SIPA1L2: variants seen among roughly 807,000 people sequenced by gnomAD.
The protein encoded by SIPA1L2 is signal-induced proliferation-associated 1-like protein 2.
In SIPA1L2, 56 loss-of-function variants were observed where a neutral mutation model predicts 163.9. The observed-to-expected ratio is 0.34, with a 90% confidence interval of 0.28 to 0.43. The LOEUF (loss-of-function observed/expected upper bound fraction) is 0.43. Among genes scored for constraint, SIPA1L2 ranks in the 20% least tolerant of loss-of-function variants. The pLI is 1.00. For missense variants in SIPA1L2, 1,974 were observed against 2,193.5 expected (o/e 0.90, Z 2.00); for synonymous variants, 877 against 865.7 (o/e 1.01, Z -0.23).
At chr1:232,410,594 A>G (rs1660893962) in intron 19 of SIPA1L2, among the ~76,000 whole-genome samples, 1 of 152,054 alleles carries the variant, frequency 6.6e-6, no homozygotes, top group Non-Finnish European at 1.5e-5. Flanking sequence ...TGAAACTCTG[A>G]AAACAATTAA....
intron 9 of SIPA1L2, among the ~76,000 whole-genome samples, chr1:232,464,111 G>GT (rs949325658): frequency 6.6e-6 from 1 of 151,828 alleles, no homozygotes; most frequent in Admixed American, 6.6e-5. Flanking sequence ...GTCAAAGCAT[G>GT]TTTTTTTCTT....
chr1:232,524,408 T>C (rs1216044804), intron 2 of SIPA1L2, among the ~76,000 whole-genome samples: 2 of 152,182 alleles, frequency 1.3e-5, no homozygotes, highest in Admixed American at 1.3e-4. Context: ...GGGGGATGCA[T>C]GTCCCACATG....
chr1:232,566,187 T>C (rs1182660497), intron 2 of SIPA1L2, among the ~76,000 whole-genome samples: 1 of 152,248 alleles, frequency 6.6e-6, no homozygotes, highest in Non-Finnish European at 1.5e-5. Flanking sequence ...TGTTTTCTTT[T>C]GTTTTGAAAT....
chr1:232,618,314 G>A (rs1662611473), intron 1 of SIPA1L2, among the ~76,000 whole-genome samples: 1 of 152,190 alleles, frequency 6.6e-6, no homozygotes, highest in African/African-American at 2.4e-5. Flanking sequence ...GCTCAGGCGA[G>A]GCGAGCTCTT....
intron 1 of SIPA1L2, among the ~76,000 whole-genome samples, chr1:232,611,158 T>C (rs538354848): frequency 1.3e-5 from 2 of 152,204 alleles, no homozygotes; most frequent in African/African-American, 4.8e-5. Context: ...GCCTCTGCCA[T>C]GTAAGAACTG....
intron 2 of SIPA1L2, among the ~76,000 whole-genome samples, chr1:232,546,328 C>T (rs1175356984): frequency 6.6e-6 from 1 of 152,174 alleles, no homozygotes; most frequent in African/African-American, 2.4e-5. Context: ...CACCATGACG[C>T]CAAGACTTCA....
At chr1:232,485,762 T>G (rs1299606645) in intron 5 of SIPA1L2, among the ~76,000 whole-genome samples, 2 of 152,196 alleles carry the variant, frequency 1.3e-5, no homozygotes, top group Admixed American at 1.3e-4. Flanking sequence ...GTTAGTTGAC[T>G]TCTCTTTCAC....
At chr1:232,572,349 T>C (rs1481222035) in intron 2 of SIPA1L2, among the ~76,000 whole-genome samples, 2 of 152,168 alleles carry the variant, frequency 1.3e-5, no homozygotes, top group Non-Finnish European at 2.9e-5. Context: ...GCACCTCCCA[T>C]TTCCTATGCT....
rs375893261 is a variant in SIPA1L2, at chr1:232,514,634, A to C, written c.706T>G (p.Cys236Gly). Residue 236 changes from cysteine to glycine, a missense_variant, in exon 3 of 23, where the codon TGT (cysteine) becomes GGT (glycine). Coordinates refer to ENST00000674635, the MANE Select transcript of SIPA1L2 (RefSeq NM_020808.5). ...VPFGFPEFFR[C>G]DPAISPSLHA... ...AGGCTCGGAGAGATTGCAGGGTCAC[A>C]GCGGAAAAATTCAGGGAACCCAAAA... The C allele has an allele frequency of 2.2e-5, 35 of 1,614,108 alleles. No homozygotes were observed. The highest frequency in any genetic ancestry group is 2.7e-5 in the Non-Finnish European group (32 of 1,180,046).
At chr1:232,454,117 T>G (rs745571487) in intron 10 of SIPA1L2, among the ~76,000 whole-genome samples, 10 of 152,144 alleles carry the variant, frequency 6.6e-5, no homozygotes, top group Non-Finnish European at 1.5e-4. Flanking sequence ...TATAACTTAC[T>G]GTAAAGGTTA....
intron 18 of SIPA1L2, among the ~76,000 whole-genome samples, chr1:232,418,576 G>T (rs1049320283): frequency 6.6e-6 from 1 of 152,154 alleles, no homozygotes; most frequent in Non-Finnish European, 1.5e-5. Flanking sequence ...TACCCCCTAC[G>T]CAATGCATGC....
intron 13 of SIPA1L2, 50 bp downstream of exon 13, chr1:232,441,718 A>C: frequency 6.9e-7 from 1 of 1,443,696 alleles, no homozygotes; most frequent in Non-Finnish European, 9.7e-7. Context: ...GGGGGCAGAG[A>C]GGGGGAAAGG....
chr1:232,610,764 C>T (rs1437277537), intron 1 of SIPA1L2, among the ~76,000 whole-genome samples: 1 of 152,084 alleles, frequency 6.6e-6, no homozygotes, highest in Non-Finnish European at 1.5e-5. Context: ...CATCAGAGGC[C>T]AGCACAGGCC....
At chr1:232,574,419 C>CA (rs919846601) in intron 1 of SIPA1L2, among the ~76,000 whole-genome samples, 197 bp from the exon 2 acceptor site, 28 of 150,480 alleles carry the variant, frequency 1.9e-4, no homozygotes, top group Non-Finnish European at 2.7e-4. Flanking sequence ...GAGGAACATA[C>CA]GATAGCACAA....
intron 15 of SIPA1L2, among the ~76,000 whole-genome samples, chr1:232,436,945 A>G (rs970505068): frequency 6.6e-6 from 1 of 152,138 alleles, no homozygotes; most frequent in African/African-American, 2.4e-5. Context: ...AAAAGATTCC[A>G]CTCACTCAAC....
In SIPA1L2 at chr1:232,400,316, C is replaced by T. The variant is rs141381089; in HGVS notation, c.5023-1043G>A. On this transcript the variant is annotated intron_variant, in intron 22 of 22. Transcript: ENST00000674635. ...CCCACAGCTCAGCACATCTCTGCTG[C>T]GACTCGGCTGCCCACCTCTCCACAT... is the stretch of plus-strand genomic sequence containing the variant. 5.5e-3 allele frequency among the ~76,000 whole-genome samples: 844 copies of T among 152,298 alleles called. 14 individuals are homozygous for T. The highest frequency in any genetic ancestry group is 7.6e-3 in the Non-Finnish European group (514 of 68,008).
intron 17 of SIPA1L2, 68 bp downstream of exon 17, chr1:232,428,339 GTTTC>G (rs914383067): frequency 4.6e-6 from 6 of 1,303,668 alleles, no homozygotes; most frequent in Non-Finnish European, 6.1e-6. Context: ...AAACCTCTGA[GTTTC>G]TTTAGACTTT....
intron 22 of SIPA1L2, among the ~76,000 whole-genome samples, chr1:232,400,046 C>A (rs1660242372): frequency 6.6e-6 from 1 of 152,200 alleles, no homozygotes; most frequent in South Asian, 2.1e-4. Context: ...GCCCTCAAGG[C>A]TTCCTCGTTT....
chr1:232,566,967 G>A (rs1242364446), intron 2 of SIPA1L2, among the ~76,000 whole-genome samples: 1 of 152,162 alleles, frequency 6.6e-6, no homozygotes, highest in African/African-American at 2.4e-5. Flanking sequence ...TTGTACAGAT[G>A]CTTCTTTTTG....
Sources: allele counts gnomAD v4.1 joint callset (sites outside exome capture counted in the v4.1 genomes callset), GRCh38; gene constraint gnomAD v4.1.1; transcripts MANE v1.5; gene names NCBI Gene and HGNC (gene_info 2026-07-23, HGNC 2026-07-21).